The following ADARB1 variants were observed in gnomAD, a reference collection of about 807,000 sequenced individuals.
ADARB1 encodes the protein adenosine deaminase RNA specific B1.
Under a neutral mutation model 52.4 loss-of-function variants are expected in ADARB1, and 10 were observed. That is an observed-to-expected ratio of 0.19 (90% CI 0.12 to 0.32). The LOEUF (loss-of-function observed/expected upper bound fraction) is 0.32, where lower values mean the gene tolerates loss of function less well. Among genes scored for constraint, ADARB1 ranks in the 10% least tolerant of loss-of-function variants. ADARB1 has a pLI of 1.00. For missense variants in ADARB1, 643 were observed against 922.3 expected, an observed-to-expected ratio of 0.70 and a Z score of 3.92; for synonymous variants, 349 against 371.1, an observed-to-expected ratio of 0.94 and a Z score of 0.68.
chr21:45,126,421 C>G (rs968454020), intron 1 of ADARB1, among the ~76,000 whole-genome samples: 4 of 152,158 alleles, frequency 2.6e-5, no homozygotes, highest in African/African-American at 9.7e-5. Flanking sequence ...CTCTCCACTC[C>G]CTCCATGACA....
intron 2 of ADARB1, among the ~76,000 whole-genome samples, chr21:45,131,092 A>G (rs1488265657): frequency 2.0e-5 from 3 of 152,232 alleles, no homozygotes; most frequent in Non-Finnish European, 4.4e-5. Flanking sequence ...TTATAGCCAT[A>G]TAATGTTAAA....
intron 1 of ADARB1, among the ~76,000 whole-genome samples, chr21:45,081,441 AG>A (rs2086146548): frequency 6.6e-6 from 1 of 152,224 alleles, no homozygotes; most frequent in Non-Finnish European, 1.5e-5. Flanking sequence ...GTTATAAAAT[AG>A]GCTTTGTATT....
chr21:45,210,055 A>G (rs552890484), intron 9 of ADARB1, among the ~76,000 whole-genome samples: 9 of 152,276 alleles, frequency 5.9e-5, no homozygotes, highest in African/African-American at 2.2e-4. Context: ...ACTTCCCTGC[A>G]CCACGGCCGC....
Position 45,184,932 on chromosome 21 carries a change from A to G in ADARB1, c.1406A>G (p.Asp469Gly), listed in dbSNP as rs2092051267. The G allele has an allele frequency of 1.2e-6, 2 of 1,611,710 alleles. No individual in the cohort carries two copies. The highest frequency in any genetic ancestry group is 1.7e-5 in the Admixed American group (1 of 59,954). The change falls in exon 8 of 11, where the codon GAT (aspartate) becomes GGT (glycine). Residue 469 changes from aspartate to glycine, a missense_variant. Asp to Gly is a moderately conservative substitution (Grantham distance 94, BLOSUM62 -1). Coordinates refer to ENST00000348831, the MANE Select transcript of ADARB1 (RefSeq NM_001112.4). The part of the protein sequence containing the change: ...PHEPILEEPA[D>G]RHPNRKARGQ... ...TCTTTTTCTCTCTTAGAACCAGCAG[A>G]TAGACACCCAAATCGTAAAGCAAGA...
At chr21:45,161,452 C>T (rs2090962137) in intron 2 of ADARB1, among the ~76,000 whole-genome samples, 1 of 152,222 alleles carries the variant, frequency 6.6e-6, no homozygotes, top group Non-Finnish European at 1.5e-5. Flanking sequence ...CACAACCTGG[C>T]TGGGTGTGTG....
At chr21:45,104,539 G>A (rs1370318138) in intron 1 of ADARB1, among the ~76,000 whole-genome samples, 2 of 152,212 alleles carry the variant, frequency 1.3e-5, no homozygotes, top group Admixed American at 1.3e-4. Flanking sequence ...AGAACTGGAG[G>A]TGTTTCTCAA....
rs536267056 is a variant in ADARB1 at position 45,200,395 on chromosome 21, G to A, written c.1566-4160G>A. 6.6e-6 allele frequency among the ~76,000 whole-genome samples: 1 copy of A among 152,300 alleles called. No homozygotes were observed. The highest frequency in any genetic ancestry group is 2.4e-5 in the African/African-American group (1 of 41,562). On this transcript the variant is annotated intron_variant, in intron 8 of 10. Coordinates refer to ENST00000348831, the MANE Select transcript of ADARB1 (RefSeq NM_001112.4). The surrounding 1 kb of genome is among the most constrained non-coding windows in gnomAD (Gnocchi z 5.0). ...TGATTATGTTGGCGCGGGAGCCGTG[G>A]GAAGGAACGAGAGTCTTGGTTCAGA...
At position 45,200,893 on chromosome 21, in the gene ADARB1, T is replaced by C. The variant is rs1258944996; in HGVS notation, c.1566-3662T>C. ...CTCTCAGGCCGGGCCCTTTACTGAA[T>C]CAGGGGACAGATCAGATGATAGCAG... On this transcript the variant is annotated intron_variant, in intron 8 of 10. Transcript: ENST00000348831. The surrounding 1 kb of genome is among the most constrained non-coding windows in gnomAD (Gnocchi z 5.0). Among the ~76,000 whole-genome samples, 1 of 152,068 alleles carries C rather than the reference T, an allele frequency of 6.6e-6. No individual in the cohort carries two copies. Among genetic ancestry groups the C allele is most frequent in the Non-Finnish European group, 1.5e-5 (1 of 68,010 alleles).
chr21:45,164,746 G>T (rs1040015697), intron 2 of ADARB1, among the ~76,000 whole-genome samples: 2 of 152,174 alleles, frequency 1.3e-5, no homozygotes, highest in Non-Finnish European at 2.9e-5. Context: ...CATAACCCTG[G>T]CTGCTGCGAG....
At chr21:45,081,519 G>T (rs1478430460) in intron 1 of ADARB1, among the ~76,000 whole-genome samples, 1 of 152,260 alleles carries the variant, frequency 6.6e-6, no homozygotes, top group Non-Finnish European at 1.5e-5. Flanking sequence ...GCTAGGCTAA[G>T]CTTTGATGTT....
In ADARB1 at chr21:45,137,973, C is replaced by T. The variant is rs551524301; in HGVS notation, c.-48+9400C>T. On this transcript the variant is annotated intron_variant, in intron 2 of 10. Coordinates refer to ENST00000348831, the MANE Select transcript of ADARB1 (RefSeq NM_001112.4). ...AAAAGGGCAGACCTGTGCTTAATTT[C>T]AATTTCTATGGGAGTGATGCCCTCA... 4.6e-5 allele frequency among the ~76,000 whole-genome samples: 7 copies of T among 152,272 alleles called. No homozygotes were observed. The South Asian group carries it at 1.5e-3, about 32-fold the overall frequency.
chr21:45,175,947 C>T lies in ADARB1; in HGVS notation c.246C>T (p.Ala82=), dbSNP rs1342203544. The part of the protein sequence containing the change: ...KTPGPVLPKN[A]LMQLNEIKPG... ...CAGGGCCCGTCCTCCCCAAGAACGC[C>T]CTGATGCAGCTGAATGAGATCAAGC... The change falls in exon 4 of 11, where the codon GCC becomes GCT. Residue 82 remains alanine, a synonymous_variant. Transcript: ENST00000348831. 4 of 1,611,224 alleles carry T rather than the reference C, an allele frequency of 2.5e-6. No homozygotes were observed. The highest frequency in any genetic ancestry group is 4.5e-5 in the East Asian group (2 of 44,854).
At chr21:45,112,997 TAAG>T (rs36085214) in intron 1 of ADARB1, among the ~76,000 whole-genome samples, 149,792 of 152,202 alleles carry the variant, frequency 0.98, 73,709 homozygotes, top group East Asian at 1. Context: ...GCAGAATGTT[TAAG>T]AAGTATTTCA....
Position 45,171,702 on chromosome 21 carries a change from CACGTA to C in ADARB1, c.28+19_28+23del, listed in dbSNP as rs1281708210. On this transcript the variant is annotated intron_variant, in intron 3 of 10. Transcript: ENST00000348831. The stretch of plus-strand genomic sequence containing the variant: ...AAACATGAGTAAGATCTAGGCCTAT[CACGTA>C]GTATCAGATAGCTAATTTTATGTTA... The C allele has an allele frequency of 1.9e-6, 3 of 1,597,770 alleles. No homozygotes were observed. Among genetic ancestry groups the C allele is most frequent in the Non-Finnish European group, 2.6e-6 (3 of 1,173,366 alleles).
At position 45,208,193 on chromosome 21, in the gene ADARB1, G is replaced by T. The variant is rs1239568758; in HGVS notation, c.1747+3457G>T. On this transcript the variant is annotated intron_variant, in intron 9 of 10. Transcript: ENST00000348831. This position sits in a 1 kb window ranked among gnomAD's most constrained non-coding sequence, Gnocchi z 5.6. ...AGCTCCTCAGCTGGCCCAGTTTGTT[G>T]TCCAACGCTCACTAAGATAAACCAA... 6.6e-6 allele frequency among the ~76,000 whole-genome samples: 1 copy of T among 152,172 alleles called. No homozygotes were observed. The highest frequency in any genetic ancestry group is 6.5e-5 in the Admixed American group (1 of 15,284).
rs531580517 is a variant in ADARB1, at chr21:45,096,811, G to GGC, written c.-220+22019_-220+22020dup. On this transcript the variant is annotated intron_variant, in intron 1 of 10. Transcript: ENST00000348831. ...GTCTCTGTCGCCCAGGCGGTGCAGT[G>GGC]GCACTGCCAGCTCTGCCTCCCGGGT... Among the ~76,000 whole-genome samples, 477 of 152,280 alleles carry GGC rather than the reference G, an allele frequency of 3.1e-3. 4 individuals carry two copies. Among genetic ancestry groups the GGC allele is most frequent in the Middle Eastern group, 0.014 (4 of 294 alleles).
chr21:45,126,532 G>A (rs185037381), intron 1 of ADARB1, among the ~76,000 whole-genome samples: 1 of 152,216 alleles, frequency 6.6e-6, no homozygotes, highest in East Asian at 1.9e-4. Context: ...TAATCCTCAC[G>A]GCACCATCTG....
At chr21:45,189,008 T>A (rs1369263338) in intron 8 of ADARB1, among the ~76,000 whole-genome samples, 2 of 152,160 alleles carry the variant, frequency 1.3e-5, no homozygotes, top group African/African-American at 4.8e-5. Flanking sequence ...AAACTCCCCT[T>A]TATAAAATCA....
In ADARB1 at chr21:45,180,460, T is replaced by G. The variant is rs2091890204; in HGVS notation, c.1078+16T>G. 1.3e-6 allele frequency: 2 copies of G among 1,593,242 alleles called. No homozygotes were observed. On this transcript the variant is annotated intron_variant, in intron 5 of 10. Transcript: ENST00000348831. Reference sequence around the variant, plus strand: ...ATGACAACAGGTAACCATCTTGGTGTTGTATGTAACCCTGCCTGTTTTCAT... The same window carrying G: ...ATGACAACAGGTAACCATCTTGGTGGTGTATGTAACCCTGCCTGTTTTCAT...
Sources: allele counts gnomAD v4.1 joint callset (sites outside exome capture counted in the v4.1 genomes callset), GRCh38; gene constraint gnomAD v4.1.1; non-coding constraint Gnocchi (gnomAD v3.1); transcripts MANE v1.5; gene names NCBI Gene and HGNC (gene_info 2026-07-23, HGNC 2026-07-21).